The following GABRR3 variants were observed in gnomAD, a reference collection of about 807,000 sequenced individuals.
GABRR3 encodes gamma-aminobutyric acid type A receptor subunit rho3, also known as gamma-aminobutyric acid receptor subunit rho-3.
GABRR3 carries 29 observed loss-of-function variants against 43.2 expected under a neutral mutation model. The observed-to-expected ratio is 0.67, with a 90% CI of 0.50 to 0.92. The LOEUF (loss-of-function observed/expected upper bound fraction) is 0.92, where lower values mean the gene tolerates loss of function less well. Among genes scored for constraint, GABRR3 ranks in the 40% least tolerant of loss-of-function variants. The pLI, the probability that GABRR3 is intolerant of heterozygous loss-of-function variation, is 0.00. For synonymous variants in GABRR3, 206 were observed against 195.9 expected, an observed-to-expected ratio of 1.05 and a Z score of -0.43; for missense variants, 576 against 572.3, an observed-to-expected ratio of 1.01 and a Z score of -0.07.
At chr3:98,012,243 A>G in intron 5 of GABRR3, 101 bp downstream of exon 5, 1 of 812,322 alleles carries the variant, frequency 1.2e-6, no homozygotes, top group Non-Finnish European at 2.0e-6. Context: ...AGCATTAAAC[A>G]GACAGCAACA....
chr3:97,987,446 G>A (rs1706402659), intron 9 of GABRR3, among the ~76,000 whole-genome samples: 2 of 152,218 alleles, frequency 1.3e-5, no homozygotes, highest in African/African-American at 2.4e-5. Flanking sequence ...GGAAGATAGT[G>A]GTTCTCACTA....
intron 3 of GABRR3, among the ~76,000 whole-genome samples, chr3:98,019,893 AT>A (rs1363688192): frequency 6.6e-6 from 1 of 152,186 alleles, no homozygotes; most frequent in African/African-American, 2.4e-5. Flanking sequence ...ATAGTGTTTA[AT>A]GGTGATTTTG....
intron 2 of GABRR3, 73 bp downstream of exon 2, chr3:98,034,790 T>C (rs1303341282): frequency 4.7e-5 from 74 of 1,562,634 alleles, no homozygotes; most frequent in Middle Eastern, 1.7e-4. Context: ...GTTTCCAGGT[T>C]TCCTGTAGGT....
chr3:97,992,206 A>C (rs1211197893), intron 9 of GABRR3, among the ~76,000 whole-genome samples: 1 of 152,158 alleles, frequency 6.6e-6, no homozygotes, highest in Non-Finnish European at 1.5e-5. Flanking sequence ...TGTGGGGGGA[A>C]GAACCTCCCT....
At chr3:98,033,798 C>A (rs899822763) in intron 2 of GABRR3, among the ~76,000 whole-genome samples, 6 of 152,134 alleles carry the variant, frequency 3.9e-5, no homozygotes, top group Admixed American at 6.6e-5. Flanking sequence ...GACTTCATAT[C>A]ATCTCAGGTC....
chr3:98,030,176 T>G (rs1327695909), intron 2 of GABRR3, among the ~76,000 whole-genome samples: 1 of 151,878 alleles, frequency 6.6e-6, no homozygotes, highest in African/African-American at 2.4e-5. Context: ...GTATAAATAT[T>G]GGTAAACTCC....
intron 2 of GABRR3, among the ~76,000 whole-genome samples, chr3:98,032,653 T>C (rs1200837092): frequency 6.6e-6 from 1 of 152,168 alleles, no homozygotes; most frequent in Non-Finnish European, 1.5e-5. Context: ...TGAATACATA[T>C]TTTTTTAAAG....
At chr3:98,003,473 G>C (rs1217682149) in intron 7 of GABRR3, among the ~76,000 whole-genome samples, 2 of 145,854 alleles carry the variant, frequency 1.4e-5, no homozygotes, top group Non-Finnish European at 3.0e-5. Context: ...AAGTCAAACT[G>C]TGGCTCTGTC....
intron 2 of GABRR3, among the ~76,000 whole-genome samples, 171 bp from the exon 3 acceptor site, chr3:98,025,850 A>T (rs1020323912): frequency 6.6e-6 from 1 of 152,244 alleles, no homozygotes; most frequent in Non-Finnish European, 1.5e-5. Flanking sequence ...TCTTTATTAT[A>T]TAAGTGTGGA....
At chr3:98,012,282 T>C (rs542075846) in intron 5 of GABRR3, 62 bp downstream of exon 5, 2 of 1,198,952 alleles carry the variant, frequency 1.7e-6, no homozygotes, top group African/African-American at 3.0e-5. Context: ...ATAAGCATCA[T>C]CAGCTTTGGT....
chr3:97,997,828 G>A (rs1706583412), intron 8 of GABRR3: 1 of 152,126 alleles, frequency 6.6e-6, no homozygotes, highest in Non-Finnish European at 1.5e-5. Context: ...TTTCACAAAT[G>A]CAGATGTACA....
Position 97,995,283 on chromosome 3 carries a change from T to A in GABRR3, c.908-2235A>T, listed in dbSNP as rs561244824. ...TGAGCCACCACGCCCAGCTAAAAAATTTTTAATGTCTTCTCTTATTGGTTT... is the reference window on the plus strand; with the variant it reads ...TGAGCCACCACGCCCAGCTAAAAAAATTTTAATGTCTTCTCTTATTGGTTT... On this transcript the variant is annotated intron_variant, in intron 8 of 9. Coordinates refer to ENST00000621172, the Ensembl canonical transcript of GABRR3. Among the ~76,000 whole-genome samples the A allele has an allele frequency of 4.2e-3, 641 of 152,270 alleles. 8 individuals are homozygous for A. The highest frequency in any genetic ancestry group is 0.014 in the African/African-American group (599 of 41,558).
intron 2 of GABRR3, among the ~76,000 whole-genome samples, chr3:98,032,731 TAAAAGCAAAAC>T (rs1707105368): frequency 6.6e-6 from 1 of 152,174 alleles, no homozygotes; most frequent in South Asian, 2.1e-4. Context: ...TGAAAACAAC[TAAAAGCAAAAC>T]ATTTAAGAGC....
intron 3 of GABRR3, among the ~76,000 whole-genome samples, chr3:98,020,418 T>C (rs1576047784): frequency 8.3e-6 from 1 of 120,096 alleles, no homozygotes; most frequent in African/African-American, 3.3e-5. Context: ...AAGCCACTAC[T>C]CCCAATCCTA....
At chr3:98,017,706 T>C in exon 4 of GABRR3, 1 of 1,610,392 alleles carries the variant, frequency 6.2e-7, no homozygotes, top group African/African-American at 1.3e-5. Context: ...CATCTATACC[T>C]ACTGGCACTG....
At chr3:98,012,491 C>T in exon 5 of GABRR3, 3 of 1,613,940 alleles carry the variant, frequency 1.9e-6, no homozygotes, top group Middle Eastern at 3.3e-4. Context: ...AAATGTCATG[C>T]TTTTGTTTGC....
At chr3:98,032,063 C>CATT (rs1553720636) in intron 2 of GABRR3, among the ~76,000 whole-genome samples, 3 of 140,418 alleles carry the variant, frequency 2.1e-5, no homozygotes, top group African/African-American at 8.1e-5. Flanking sequence ...GTGTCTAGCA[C>CATT]ATAGTATAGT....
intron 2 of GABRR3, among the ~76,000 whole-genome samples, chr3:98,033,619 T>C (rs1417457313): frequency 1.3e-5 from 2 of 152,188 alleles, no homozygotes; most frequent in African/African-American, 2.4e-5. Context: ...GGATGACAGA[T>C]AATATTTTAA....
chr3:98,010,292 G>T (rs1014512696), intron 5 of GABRR3, among the ~76,000 whole-genome samples: 2 of 152,238 alleles, frequency 1.3e-5, no homozygotes, highest in African/African-American at 4.8e-5. Flanking sequence ...TCCTAATGGA[G>T]TTATGTGGAT....
Sources: gnomAD v4.1 joint callset for allele counts (sites outside exome capture counted in the v4.1 genomes callset) on GRCh38, gnomAD v4.1.1 for gene constraint, MANE v1.5 for transcripts, NCBI Gene and HGNC (gene_info 2026-07-23, HGNC 2026-07-21) for gene names.